The following PCDH15 variants were observed in gnomAD, a reference collection of about 807,000 sequenced individuals.
The protein encoded by PCDH15 is protocadherin related 15.
In PCDH15, 129 loss-of-function variants were observed where a neutral mutation model predicts 178.5. That is an observed-to-expected ratio of 0.72 (90% confidence interval 0.63 to 0.84). The LOEUF (loss-of-function observed/expected upper bound fraction) is 0.84, where lower values mean the gene tolerates loss of function less well. PCDH15 is among the 40% of genes least tolerant of loss of function. The pLI, the probability that PCDH15 is intolerant of heterozygous loss-of-function variation, is 0.00. For synonymous variants in PCDH15, 800 were observed against 732.0 expected (o/e 1.09, Z -1.50); for missense variants, 2,230 against 2,099.9 (o/e 1.06, Z -1.21).
rs116632171 is a variant in PCDH15, at chr10:53,961,470, C to T, written c.3009+282G>A. Among the ~76,000 whole-genome samples, 338 of 151,996 alleles carry T rather than the reference C, an allele frequency of 2.2e-3. 2 individuals carry two copies. Among genetic ancestry groups the T allele is most frequent in the African/African-American group, 7.6e-3 (316 of 41,488 alleles). On this transcript the variant is annotated intron_variant, in intron 22 of 37. Transcript: ENST00000644397. ...AATTTAAAAACCAGTATGTATAAGA[C>T]TATGTGATTTGAAAACATATATTTA...
chr10:55,538,415 TCCCTCCC>T (rs1841640011), intron 2 of PCDH15, among the ~76,000 whole-genome samples: 1 of 137,530 alleles, frequency 7.3e-6, no homozygotes, highest in African/African-American at 3.0e-5. Context: ...CCTTCCTTCC[TCCCTCCC>T]TCCCTTCCTT....
intron 2 of PCDH15, among the ~76,000 whole-genome samples, chr10:54,623,107 G>A (rs913447965): frequency 2.0e-5 from 3 of 151,882 alleles, no homozygotes; most frequent in Non-Finnish European, 2.9e-5. Context: ...TTCCCTGCCT[G>A]ACTTTCCATT....
intron 1 of PCDH15, among the ~76,000 whole-genome samples, chr10:54,790,248 T>C (rs957474796): frequency 6.6e-6 from 1 of 151,760 alleles, no homozygotes; most frequent in Admixed American, 6.6e-5. Flanking sequence ...ACACAGAAGA[T>C]TTCCAAAGAG....
intron 3 of PCDH15, among the ~76,000 whole-genome samples, chr10:54,437,036 A>AG (rs769738562): frequency 2.0e-5 from 3 of 152,198 alleles, no homozygotes; most frequent in Non-Finnish European, 2.9e-5. Context: ...GAGAAATCTG[A>AG]ATAAAGCCTC....
chr10:55,269,867 C>A (rs918863967), intron 1 of PCDH15, among the ~76,000 whole-genome samples: 1 of 152,092 alleles, frequency 6.6e-6, no homozygotes, highest in Non-Finnish European at 1.5e-5. Context: ...ATCACATTTC[C>A]CAGTGTCAAA....
chr10:54,288,895 C>A (rs2059207877), intron 8 of PCDH15, among the ~76,000 whole-genome samples: 1 of 152,222 alleles, frequency 6.6e-6, no homozygotes, highest in South Asian at 2.1e-4. Context: ...CACAGCTCAG[C>A]AAGGCCTACT....
intron 1 of PCDH15, among the ~76,000 whole-genome samples, chr10:54,738,934 T>C (rs1323304373): frequency 6.6e-6 from 1 of 151,984 alleles, no homozygotes; most frequent in Non-Finnish European, 1.5e-5. Context: ...GGGCCACATC[T>C]AACAAACCCA....
intron 20 of PCDH15, among the ~76,000 whole-genome samples, chr10:54,008,315 G>A (rs936921159): frequency 1.3e-5 from 2 of 152,094 alleles, no homozygotes; most frequent in South Asian, 2.1e-4. Flanking sequence ...GATACAACAC[G>A]AATTAAACCA....
intron 7 of PCDH15, among the ~76,000 whole-genome samples, chr10:54,327,518 T>C (rs1454714730): frequency 6.6e-6 from 1 of 151,246 alleles, no homozygotes; most frequent in African/African-American, 2.4e-5. Flanking sequence ...AAACTTAGCT[T>C]CAAAAATTAG....
At chr10:54,415,632 C>A (rs912508475) in intron 3 of PCDH15, among the ~76,000 whole-genome samples, 4 of 151,546 alleles carry the variant, frequency 2.6e-5, no homozygotes, top group African/African-American at 7.3e-5. Flanking sequence ...TGAACATAAT[C>A]AAAAAAATTC....
Position 54,020,250 on chromosome 10 carries a change from G to T in PCDH15, c.2693C>A (p.Ala898Asp), listed in dbSNP as rs762905705. 1.9e-6 allele frequency: 3 copies of T among 1,613,678 alleles called. No homozygotes were observed. Among genetic ancestry groups the T allele is most frequent in the South Asian group, 1.1e-5 (1 of 91,064 alleles). Residue 898 changes from alanine (A) to aspartate (D), a missense_variant, in exon 20 of 38, where the codon GCC (alanine) becomes GAC (aspartate). Physicochemically the swap from Ala to Asp is moderately radical, Grantham distance 126. Transcript: ENST00000644397. Reference sequence around the variant, plus strand: ...TGGCATTGTTCCATAAATATCAAAGGCCTCTACCAGAAAAGTGATACTTGC... The same window carrying T: ...TGGCATTGTTCCATAAATATCAAAGTCCTCTACCAGAAAAGTGATACTTGC... Reference protein sequence around the residue: ...QEASITFLVEAFDIYGTMPPG... With the variant: ...QEASITFLVEDFDIYGTMPPG...
intron 26 of PCDH15, among the ~76,000 whole-genome samples, chr10:53,877,124 A>T (rs1423745374): frequency 6.6e-6 from 1 of 152,154 alleles, no homozygotes; most frequent in Non-Finnish European, 1.5e-5. Flanking sequence ...CAGGACTTGC[A>T]TGTATGTTAT....
chr10:54,351,216 T>C (rs566232070), intron 5 of PCDH15, among the ~76,000 whole-genome samples: 2 of 152,296 alleles, frequency 1.3e-5, no homozygotes, highest in South Asian at 2.1e-4. Context: ...TTATGTTTCA[T>C]AGATAACTCT....
In PCDH15 at chr10:54,592,588, A is replaced by G. The variant is rs112647672; in HGVS notation, c.92-64711T>C. 8.9e-3 allele frequency among the ~76,000 whole-genome samples: 1,353 copies of G among 152,198 alleles called. 16 individuals carry two copies. The highest frequency in any genetic ancestry group is 0.013 in the Non-Finnish European group (910 of 67,998). On this transcript the variant is annotated intron_variant, in intron 2 of 37. Transcript: ENST00000644397. ...GGTATATGCCACATTTTCCTTATTC[A>G]TTTATCTGTCCATGGACACTTAAGT...
rs558428716 is a variant in PCDH15 at position 54,113,749 on chromosome 10, T to C, written c.1917+19126A>G. Among the ~76,000 whole-genome samples, 4 of 152,212 alleles carry C rather than the reference T, an allele frequency of 2.6e-5. No homozygotes were observed. In the South Asian group the frequency reaches 8.3e-4, roughly 32 times the overall value. On this transcript the variant is annotated intron_variant, in intron 15 of 37. Transcript: ENST00000644397. ...ATTCTCTGGAGAAAAGTCTAAAACA[T>C]ATCTTCTTAAAATGTATTCCTTTAC...
At chr10:53,905,758 T>A (rs1168825113) in intron 25 of PCDH15, among the ~76,000 whole-genome samples, 1 of 152,178 alleles carries the variant, frequency 6.6e-6, no homozygotes, top group African/African-American at 2.4e-5. Context: ...TTCAGTGGCC[T>A]GTATCAGATA....
At chr10:55,072,733 C>T (rs1449132721) in intron 2 of PCDH15, among the ~76,000 whole-genome samples, 1 of 151,944 alleles carries the variant, frequency 6.6e-6, no homozygotes, top group African/African-American at 2.4e-5. Context: ...AGGGAATCCT[C>T]CCTAACTCAT....
intron 2 of PCDH15, among the ~76,000 whole-genome samples, chr10:54,900,171 G>A (rs962210330): frequency 5.9e-5 from 9 of 152,020 alleles, no homozygotes; most frequent in African/African-American, 1.9e-4. Context: ...CTAGACAACT[G>A]GAATATATCA....
At chr10:54,400,734 G>A (rs1040693534) in intron 3 of PCDH15, among the ~76,000 whole-genome samples, 6 of 151,938 alleles carry the variant, frequency 3.9e-5, no homozygotes, top group African/African-American at 1.2e-4. Context: ...TGACAAAGAC[G>A]AGAGGAAAAC....
Sources: gnomAD v4.1 joint callset for allele counts (sites outside exome capture counted in the v4.1 genomes callset) on GRCh38, gnomAD v4.1.1 for gene constraint, MANE v1.5 for transcripts, NCBI Gene and HGNC (gene_info 2026-07-23, HGNC 2026-07-21) for gene names.